Variants in KCNK16 observed in about 807,000 individuals in gnomAD.
The protein encoded by KCNK16 is potassium channel subfamily K member 16.
A neutral mutation model predicts 23.0 loss-of-function variants in KCNK16; 23 were observed. The ratio of observed to expected loss-of-function variants is 1.00; its 90% CI spans 0.72 to 1.41. KCNK16 has a LOEUF of 1.41. Ranked by LOEUF, KCNK16 falls within the 40% of genes most tolerant of loss-of-function variation. The probability of loss-of-function intolerance (pLI) is 0.00; values close to 1 mark genes in which losing one functional copy is unlikely to be tolerated. For synonymous variants in KCNK16, 145 were observed against 153.5 expected (o/e 0.94, Z 0.41); for missense variants, 327 against 365.8 (o/e 0.89, Z 0.87).
chr6:39,316,070 C>A, downstream of KCNK16: 1 of 1,180,548 alleles, frequency 8.5e-7, no homozygotes, highest in Non-Finnish European at 1.1e-6. Context: ...ATATACCTGT[C>A]TCCTTTCTCT....
chr6:39,318,586 C>T (rs766934229), intron 2 of KCNK16, among the ~76,000 whole-genome samples: 6 of 152,172 alleles, frequency 3.9e-5, no homozygotes, highest in East Asian at 3.9e-4. Flanking sequence ...AATCAACCCC[C>T]GCTCCCAGTT....
rs1225052388 is a variant in KCNK16, at chr6:39,319,802, A to T, written c.214-669T>A. Among the ~76,000 whole-genome samples the T allele has an allele frequency of 1.3e-5, 2 of 151,018 alleles. No individual in the cohort carries two copies. The highest frequency in any genetic ancestry group is 3.0e-5 in the Non-Finnish European group (2 of 67,762). On this transcript the variant is annotated intron_variant, in intron 1 of 4. Transcript: ENST00000437525. The surrounding 1 kb of genome is among the most constrained non-coding windows in gnomAD (Gnocchi z 4.2). ...TGGTTGTTTATATGTGATGTGTTGT[A>T]TGCACGTGTTGTGCATGGCAACTGT...
chr6:39,315,400 C>T (rs1303085047), downstream of KCNK16: 17 of 1,551,086 alleles, frequency 1.1e-5, no homozygotes, highest in Admixed American at 5.9e-5. Flanking sequence ...AAGGCAGGAG[C>T]CCAGAGGGAG....
chr6:39,321,121 C>T (rs1338140688), intron 1 of KCNK16, among the ~76,000 whole-genome samples: 1 of 152,206 alleles, frequency 6.6e-6, no homozygotes, highest in African/African-American at 2.4e-5. Flanking sequence ...AGCCTGTTGA[C>T]ACACAGCCTG....
At chr6:39,314,978 G>C, downstream of KCNK16, 1 of 1,568,298 alleles carries the variant, frequency 6.4e-7, no homozygotes, top group South Asian at 1.2e-5. Context: ...AAGCGTCTAG[G>C]CTGTGTGAAG....
At chr6:39,320,960 T>C (rs964006745) in intron 1 of KCNK16, among the ~76,000 whole-genome samples, 1 of 152,136 alleles carries the variant, frequency 6.6e-6, no homozygotes, top group Non-Finnish European at 1.5e-5. Flanking sequence ...ACTAACCTTA[T>C]CCATCAGGGA....
chr6:39,322,406 G>A lies in KCNK16; in HGVS notation c.135C>T (p.Asp45=). ...LERQAEAQSR[D]QFQLEKLRFL... is the part of the protein sequence containing the mutation. ...AGCGCAGCTTCTCCAACTGAAACTG[G>A]TCCCTGGACTGAGCCTCCGCCTGCC... is the stretch of plus-strand genomic sequence containing the variant. Residue 45 remains aspartate (D), a synonymous_variant, in exon 1 of 5, where the codon GAC becomes GAT. Coordinates refer to ENST00000437525, the MANE Select transcript of KCNK16 (RefSeq NM_001135106.2). 2 of 1,614,068 alleles carry A rather than the reference G, an allele frequency of 1.2e-6. No homozygotes were observed. The highest frequency in any genetic ancestry group is 4.5e-5 in the East Asian group (2 of 44,876).
At chr6:39,314,583 A>G, downstream of KCNK16, 1 of 446,264 alleles carries the variant, frequency 2.2e-6, no homozygotes, top group Non-Finnish European at 3.9e-6. Context: ...GGCCTAGGCC[A>G]GGGAGAAGGA....
In KCNK16 at chr6:39,316,184, G is replaced by A; in HGVS notation, c.*35C>T. On this transcript the variant is annotated 3_prime_UTR_variant, in exon 5 of 5. Coordinates refer to ENST00000437525, the MANE Select transcript of KCNK16 (RefSeq NM_001135106.2). Reference sequence around the variant, plus strand: ...AGAGCAGATAGGGTGGGACTGGGGAGGATGAAAGGGGTTTCTGGGCCCCCC... The same window carrying A: ...AGAGCAGATAGGGTGGGACTGGGGAAGATGAAAGGGGTTTCTGGGCCCCCC... 2 of 1,488,820 alleles carry A rather than the reference G, an allele frequency of 1.3e-6. No homozygotes were observed. The highest frequency in any genetic ancestry group is 1.8e-6 in the Non-Finnish European group (2 of 1,120,024). The allele number at this position is 1,488,820 out of a possible 1,614,324, so 92.2% of individuals were successfully genotyped here.
chr6:39,315,379 AG>A, downstream of KCNK16: 1 of 1,551,510 alleles, frequency 6.4e-7, no homozygotes, highest in African/African-American at 1.4e-5. Flanking sequence ...GTGTTTGGAA[AG>A]GCTCTTGAGA....
intron 2 of KCNK16, 98 bp from the exon 3 acceptor site, chr6:39,318,050 T>A: frequency 4.2e-6 from 5 of 1,203,588 alleles, no homozygotes; most frequent in Non-Finnish European, 5.6e-6. Context: ...TCACCACCTC[T>A]GGGGGTGAGA....
downstream of KCNK16, among the ~76,000 whole-genome samples, chr6:39,315,889 C>A (rs1762290082): frequency 6.6e-6 from 1 of 152,182 alleles, no homozygotes; most frequent in Non-Finnish European, 1.5e-5. Flanking sequence ...AAAGTAAAGT[C>A]ATCCTTTGTT....
At position 39,319,740 on chromosome 6, in the gene KCNK16, C is replaced by T. The variant is rs1268387978; in HGVS notation, c.214-607G>A. On this transcript the variant is annotated intron_variant, in intron 1 of 4. Coordinates refer to ENST00000437525, the MANE Select transcript of KCNK16 (RefSeq NM_001135106.2). The surrounding 1 kb of genome is among the most constrained non-coding windows in gnomAD (Gnocchi z 4.2). ...AACAGAGGCCAAGACAAAGGTGGCA[C>T]GTGTGAGTGTGTGTGTGTGTGTGTG... Among the ~76,000 whole-genome samples, 7 of 113,700 alleles carry T rather than the reference C, an allele frequency of 6.2e-5. No individual in the cohort carries two copies. Among genetic ancestry groups the T allele is most frequent in the Non-Finnish European group, 1.1e-4 (6 of 54,824 alleles). 74.6% of individuals were successfully genotyped at this position (113,700 alleles called of 152,430 possible).
chr6:39,321,359 T>C (rs1433364599), intron 1 of KCNK16, among the ~76,000 whole-genome samples: 1 of 152,240 alleles, frequency 6.6e-6, no homozygotes, highest in African/African-American at 2.4e-5. Context: ...CCAGTAGCTG[T>C]GCAGCCTTGG....
intron 1 of KCNK16, among the ~76,000 whole-genome samples, chr6:39,322,124 C>T (rs1762535103): frequency 6.6e-6 from 1 of 152,180 alleles, no homozygotes; most frequent in African/African-American, 2.4e-5. Context: ...GGTTAAGTGA[C>T]CTGTTCAAGG....
downstream of KCNK16, chr6:39,315,142 AC>A: frequency 6.2e-7 from 1 of 1,614,232 alleles, no homozygotes; most frequent in Non-Finnish European, 8.5e-7. Flanking sequence ...GTGCAGAGGA[AC>A]CCAGCCACAT....
rs762095078 is a variant in KCNK16, at chr6:39,316,816, A to G, written c.627T>C (p.Thr209=). 2 of 1,614,130 alleles carry G rather than the reference A, an allele frequency of 1.2e-6. No individual in the cohort carries two copies. Among genetic ancestry groups the G allele is most frequent in the Non-Finnish European group, 1.7e-6 (2 of 1,180,018 alleles). Residue 209 remains threonine, a synonymous_variant, in exon 4 of 5, where the codon ACT becomes ACC. Coordinates refer to ENST00000437525, the MANE Select transcript of KCNK16 (RefSeq NM_001135106.2). ...FSEGFYFAFI[T]LSTIGFGDYV... ...AGTCCCCAAAGCCAATGGTGCTGAG[A>G]GTGATGAAAGCAAAGTAGAAGCCCT...
rs1762544421 is a variant in KCNK16, at chr6:39,322,364, G to C, written c.177C>G (p.Thr59=). Residue 59 remains threonine, a synonymous_variant, in exon 1 of 5, where the codon ACC becomes ACG. Coordinates refer to ENST00000437525, the MANE Select transcript of KCNK16 (RefSeq NM_001135106.2). ...LEKLRFLENY[T]CLDQWAMEQF... ...GCTCCATGGCCCACTGGTCCAGGCA[G>C]GTGTAGTTCTCCAGGAAGCGCAGCT... is the stretch of plus-strand genomic sequence containing the variant. 2 of 1,614,084 alleles carry C rather than the reference G, an allele frequency of 1.2e-6. No homozygotes were observed. Among genetic ancestry groups the C allele is most frequent in the East Asian group, 2.2e-5 (1 of 44,886 alleles).
intron 4 of KCNK16, 70 bp from the exon 5 acceptor site, chr6:39,316,512 C>A: frequency 6.7e-7 from 1 of 1,495,594 alleles, no homozygotes; most frequent in South Asian, 1.3e-5. Context: ...TCCATAGGGA[C>A]CCTCACCAGC....
Sources: allele counts gnomAD v4.1 joint callset (sites outside exome capture counted in the v4.1 genomes callset), GRCh38; gene constraint gnomAD v4.1.1; non-coding constraint Gnocchi (gnomAD v3.1); transcripts MANE v1.5; gene names NCBI Gene and HGNC (gene_info 2026-07-23, HGNC 2026-07-21).